The following DACH1 variants were observed in gnomAD, a reference collection of about 807,000 sequenced individuals.
The protein encoded by DACH1 is dachshund homolog 1.
Under a neutral mutation model 54.2 loss-of-function variants are expected in DACH1, and 12 were observed. That is an observed-to-expected ratio of 0.22 (90% CI 0.14 to 0.36). The LOEUF (loss-of-function observed/expected upper bound fraction) is 0.36. DACH1 is among the 10% of genes least tolerant of loss of function. The pLI, the probability that DACH1 is intolerant of heterozygous loss-of-function variation, is 1.00. For missense variants in DACH1, 805 were observed against 929.8 expected (o/e 0.87, Z 1.75); for synonymous variants, 386 against 366.2 (o/e 1.05, Z -0.62).
intron 1 of DACH1, among the ~76,000 whole-genome samples, chr13:71,787,132 C>A (rs1175067044): frequency 6.6e-6 from 1 of 152,198 alleles, no homozygotes; most frequent in African/African-American, 2.4e-5. Context: ...TAGGACAACA[C>A]ACTTTCAGAT....
intron 1 of DACH1, among the ~76,000 whole-genome samples, chr13:71,841,103 C>T (rs550194627): frequency 3.9e-5 from 6 of 152,188 alleles, no homozygotes; most frequent in African/African-American, 1.2e-4. Context: ...TATGTGGATG[C>T]CATGAAATCA....
intron 3 of DACH1, among the ~76,000 whole-genome samples, chr13:71,620,477 A>G (rs976599693): frequency 1.3e-5 from 2 of 151,942 alleles, no homozygotes; most frequent in African/African-American, 4.8e-5. Context: ...TCTTCTGAAC[A>G]TAATAGGGTC....
intron 4 of DACH1, among the ~76,000 whole-genome samples, chr13:71,570,772 A>T (rs1566349300): frequency 6.6e-6 from 1 of 152,076 alleles, no homozygotes; most frequent in Non-Finnish European, 1.5e-5. Flanking sequence ...AATGTTTCTG[A>T]CTTCCCAATC....
intron 2 of DACH1, 150 bp from the exon 3 acceptor site, chr13:71,630,867 G>C: frequency 1.1e-6 from 1 of 887,074 alleles, no homozygotes; most frequent in Non-Finnish European, 1.6e-6. Context: ...TTCCCAACTA[G>C]ACAATGAAAC....
At chr13:71,605,752 CT>C (rs895698698) in intron 3 of DACH1, among the ~76,000 whole-genome samples, 87 of 151,910 alleles carry the variant, frequency 5.7e-4, no homozygotes, top group African/African-American at 2.0e-3. Flanking sequence ...TTATAATGTC[CT>C]TTTTCTTTCC....
intron 3 of DACH1, chr13:71,573,635 C>T (rs1885359956): frequency 2.3e-6 from 1 of 436,930 alleles, no homozygotes; most frequent in Non-Finnish European, 4.2e-6. Context: ...CAATGACTAA[C>T]TTAAAATGAG....
chr13:71,618,255 A>T (rs1593994371), intron 3 of DACH1, among the ~76,000 whole-genome samples: 1 of 152,116 alleles, frequency 6.6e-6, no homozygotes, highest in African/African-American at 2.4e-5. Flanking sequence ...GTCTTTAAAA[A>T]GATAACATCT....
At chr13:71,725,851 G>A (rs186601561) in intron 1 of DACH1, among the ~76,000 whole-genome samples, 1 of 152,202 alleles carries the variant, frequency 6.6e-6, no homozygotes, top group East Asian at 1.9e-4. Flanking sequence ...CTCTTAGAAA[G>A]CTGCATGGTT....
At chr13:71,816,034 G>C (rs914840469) in intron 1 of DACH1, among the ~76,000 whole-genome samples, 1 of 151,802 alleles carries the variant, frequency 6.6e-6, no homozygotes, top group Admixed American at 6.6e-5. Flanking sequence ...GCAGTGAGCC[G>C]AGATCGCGCC....
chr13:71,495,463 T>C (rs1879327886), intron 6 of DACH1, among the ~76,000 whole-genome samples: 1 of 152,018 alleles, frequency 6.6e-6, no homozygotes, highest in Admixed American at 6.6e-5. Context: ...ACATATTAAA[T>C]TGGAGTAGAA....
intron 1 of DACH1, among the ~76,000 whole-genome samples, chr13:71,786,356 C>T (rs1241488495): frequency 1.3e-5 from 2 of 152,124 alleles, no homozygotes; most frequent in Middle Eastern, 3.2e-3. Context: ...TGCATCCCAT[C>T]AGGATGGAAA....
At chr13:71,466,124 G>T (rs1342321798) in intron 10 of DACH1, among the ~76,000 whole-genome samples, 1 of 151,950 alleles carries the variant, frequency 6.6e-6, no homozygotes, top group African/African-American at 2.4e-5. Flanking sequence ...TTTAAATTAG[G>T]ATCACTTGTG....
At chr13:71,742,788 A>G (rs908431965) in intron 1 of DACH1, among the ~76,000 whole-genome samples, 2 of 152,098 alleles carry the variant, frequency 1.3e-5, no homozygotes, top group African/African-American at 4.8e-5. Context: ...CCCAAAAGTC[A>G]GTTTGCAGAG....
intron 1 of DACH1, among the ~76,000 whole-genome samples, chr13:71,694,052 A>G (rs1204128658): frequency 6.6e-6 from 1 of 152,204 alleles, no homozygotes; most frequent in African/African-American, 2.4e-5. Flanking sequence ...CAGAACTCAG[A>G]CAATCTTGTC....
At chr13:71,459,101 T>C (rs1284733194) in intron 10 of DACH1, among the ~76,000 whole-genome samples, 1 of 151,906 alleles carries the variant, frequency 6.6e-6, no homozygotes, top group African/African-American at 2.4e-5. Flanking sequence ...TAAAAAGGTT[T>C]TATGTCAGAT....
At chr13:71,464,658 T>C (rs895325393) in intron 10 of DACH1, 2 of 450,044 alleles carry the variant, frequency 4.4e-6, no homozygotes, top group South Asian at 3.2e-5. Flanking sequence ...CATTAATTAC[T>C]GCTTTTTTTG....
At chr13:71,525,012 T>C (rs1441655967) in intron 6 of DACH1, among the ~76,000 whole-genome samples, 6 of 152,160 alleles carry the variant, frequency 3.9e-5, no homozygotes, top group Non-Finnish European at 5.9e-5. Context: ...ATTTTTTTCT[T>C]GTAGGATATC....
chr13:71,743,264 A>G (rs894747569), intron 1 of DACH1, among the ~76,000 whole-genome samples: 1 of 152,128 alleles, frequency 6.6e-6, no homozygotes, highest in Admixed American at 6.6e-5. Context: ...AGCAGAACAC[A>G]CTCTAGATAT....
intron 5 of DACH1, among the ~76,000 whole-genome samples, chr13:71,557,814 G>T (rs1250953570): frequency 1.4e-5 from 2 of 145,156 alleles, no homozygotes; most frequent in Admixed American, 1.4e-4. Flanking sequence ...CAAACTGAGG[G>T]ACATTCTACA....
Sources: gnomAD v4.1 joint callset for allele counts (sites outside exome capture counted in the v4.1 genomes callset) on GRCh38, gnomAD v4.1.1 for gene constraint, MANE v1.5 for transcripts, NCBI Gene and HGNC (gene_info 2026-07-23, HGNC 2026-07-21) for gene names.